The following NAV3 variants were observed in gnomAD, a reference collection of about 807,000 sequenced individuals.
NAV3 encodes pore membrane and/or filament interacting like protein 1.
NAV3 carries 87 observed loss-of-function variants against 244.7 expected under a neutral mutation model. The observed-to-expected ratio is 0.36, with a 90% CI of 0.30 to 0.42. NAV3 has a LOEUF of 0.42. Among genes scored for constraint, NAV3 ranks in the 20% least tolerant of loss-of-function variants. NAV3 has a pLI of 1.00. For synonymous variants in NAV3, 1,126 were observed against 1,042.2 expected, an observed-to-expected ratio of 1.08 and a Z score of -1.55; for missense variants, 2,663 against 2,893.3, an observed-to-expected ratio of 0.92 and a Z score of 1.83.
chr12:77,977,303 G>T (rs912337974), intron 5 of NAV3, among the ~76,000 whole-genome samples: 1 of 152,048 alleles, frequency 6.6e-6, no homozygotes, highest in Middle Eastern at 3.2e-3. Context: ...CAATTTGTAT[G>T]TGTCAATTAA....
chr12:77,777,740 A>G (rs187509948), intron 2 of NAV3, among the ~76,000 whole-genome samples: 17 of 152,290 alleles, frequency 1.1e-4, no homozygotes, highest in Admixed American at 4.6e-4. Flanking sequence ...AATACTACAC[A>G]GAGAGGGGAG....
chr12:78,086,007 C>T (rs887288090), intron 12 of NAV3, among the ~76,000 whole-genome samples: 2 of 152,030 alleles, frequency 1.3e-5, no homozygotes, highest in Non-Finnish European at 2.9e-5. Flanking sequence ...CGCTGGGTTT[C>T]CCTTCCTGCT....
intron 2 of NAV3, among the ~76,000 whole-genome samples, chr12:77,664,170 G>T (rs527527978): frequency 6.6e-6 from 1 of 152,224 alleles, no homozygotes; most frequent in East Asian, 1.9e-4. Flanking sequence ...ACATGAAATA[G>T]CTAATAATAT....
intron 16 of NAV3, among the ~76,000 whole-genome samples, chr12:78,124,528 A>G (rs923534411): frequency 6.6e-6 from 1 of 152,178 alleles, no homozygotes; most frequent in East Asian, 1.9e-4. Flanking sequence ...ATCTCAGCTC[A>G]TTGCGTCCTC....
chr12:77,808,927 G>A (rs983860824), intron 2 of NAV3, among the ~76,000 whole-genome samples: 11 of 152,174 alleles, frequency 7.2e-5, no homozygotes, highest in African/African-American at 1.4e-4. Flanking sequence ...GCGGAGCTGC[G>A]GTGGGCTCCG....
chr12:77,681,959 A>G (rs1456010351), intron 2 of NAV3, among the ~76,000 whole-genome samples: 9 of 152,200 alleles, frequency 5.9e-5, no homozygotes, highest in Non-Finnish European at 4.4e-5. Flanking sequence ...TTACACATGC[A>G]TTATCTTGCA....
At chr12:78,182,195 A>G (rs1236222362) in intron 30 of NAV3, among the ~76,000 whole-genome samples, 2 of 152,062 alleles carry the variant, frequency 1.3e-5, no homozygotes, top group African/African-American at 2.4e-5. Context: ...GTGGATGGTA[A>G]TTTGAGTTTG....
chr12:77,647,874 T>C (rs926792958), intron 2 of NAV3, among the ~76,000 whole-genome samples: 1 of 152,086 alleles, frequency 6.6e-6, no homozygotes, highest in Non-Finnish European at 1.5e-5. Flanking sequence ...AAAATAAAAA[T>C]GTGGTTTTCT....
chr12:78,186,006 C>T (rs1357455152), intron 31 of NAV3, among the ~76,000 whole-genome samples: 1 of 151,800 alleles, frequency 6.6e-6, no homozygotes, highest in Non-Finnish European at 1.5e-5. Flanking sequence ...TTTGGTTTCA[C>T]TTATTTGTTA....
At chr12:77,825,965 T>C (rs1487578272), upstream of NAV3, among the ~76,000 whole-genome samples, 2 of 151,968 alleles carry the variant, frequency 1.3e-5, no homozygotes, top group East Asian at 3.9e-4. Flanking sequence ...AAAATTCAAA[T>C]TAAAACTGCA....
intron 1 of NAV3, among the ~76,000 whole-genome samples, chr12:77,904,457 A>G (rs908083490): frequency 1.1e-4 from 17 of 152,160 alleles, no homozygotes; most frequent in African/African-American, 4.1e-4. Flanking sequence ...GAACACATGG[A>G]CACAGGAAGG....
At chr12:77,802,002 C>T (rs1012233762) in intron 2 of NAV3, among the ~76,000 whole-genome samples, 6 of 152,100 alleles carry the variant, frequency 3.9e-5, no homozygotes, top group African/African-American at 9.6e-5. Flanking sequence ...GATGAATGAA[C>T]GAATAAATGA....
chr12:78,141,364 G>A (rs888638181), intron 20 of NAV3, among the ~76,000 whole-genome samples: 1 of 152,102 alleles, frequency 6.6e-6, no homozygotes, highest in Non-Finnish European at 1.5e-5. Flanking sequence ...TCTTTTTAGA[G>A]CTAGGTTAAC....
In NAV3 at chr12:77,994,847, C is replaced by T. The variant is rs1439842289; in HGVS notation, c.716C>T (p.Ala239Val). 2 of 1,608,640 alleles carry T rather than the reference C, an allele frequency of 1.2e-6. No individual in the cohort carries two copies. Among genetic ancestry groups the T allele is most frequent in the South Asian group, 2.2e-5 (2 of 90,380 alleles). ...YATQSNHSGI[A>V]TSQKKPTRLP... The stretch of plus-strand genomic sequence containing the variant: ...ACTCAGTCTAATCACAGTGGAATTG[C>T]AACCAGTCAAAAAAAGCCTACTAGG... Residue 239 changes from alanine (A) to valine (V), a missense_variant, in exon 6 of 40, where the codon GCA becomes GTA. Physicochemically the swap from Ala to Val is moderately conservative, Grantham distance 64. Coordinates refer to ENST00000397909, the MANE Select transcript of NAV3 (RefSeq NM_001024383.2).
intron 12 of NAV3, among the ~76,000 whole-genome samples, chr12:78,079,050 C>T (rs1321202372): frequency 1.3e-5 from 2 of 152,186 alleles, no homozygotes; most frequent in Non-Finnish European, 2.9e-5. Flanking sequence ...GTCCTAGCAG[C>T]ACTCAGAATT....
chr12:78,148,185 T>A (rs2139213107), intron 21 of NAV3, among the ~76,000 whole-genome samples: 1 of 152,190 alleles, frequency 6.6e-6, no homozygotes, highest in African/African-American at 2.4e-5. Context: ...AAGATGTGGA[T>A]AAGCTATAAA....
chr12:77,645,172 TA>T (rs1055734438), intron 2 of NAV3, among the ~76,000 whole-genome samples: 1 of 152,036 alleles, frequency 6.6e-6, no homozygotes, highest in African/African-American at 2.4e-5. Flanking sequence ...AAAGAGATGG[TA>T]AAACAGCAAA....
chr12:77,696,247 G>C (rs1483121549), intron 2 of NAV3, among the ~76,000 whole-genome samples: 2 of 152,156 alleles, frequency 1.3e-5, no homozygotes, highest in Non-Finnish European at 2.9e-5. Context: ...TATGGCAAAG[G>C]GGACAGTATG....
chr12:77,766,877 C>T (rs973336386), intron 2 of NAV3, among the ~76,000 whole-genome samples: 1 of 150,702 alleles, frequency 6.6e-6, no homozygotes, highest in Non-Finnish European at 1.5e-5. Context: ...GCCTCATCCT[C>T]CTGAGTAGCT....
Sources: gnomAD v4.1 joint callset for allele counts (sites outside exome capture counted in the v4.1 genomes callset) on GRCh38, gnomAD v4.1.1 for gene constraint, MANE v1.5 for transcripts, NCBI Gene and HGNC (gene_info 2026-07-23, HGNC 2026-07-21) for gene names.